LAMA2: variants seen among roughly 807,000 people sequenced by gnomAD.
LAMA2 encodes the protein laminin subunit alpha-2.
LAMA2 carries 269 observed loss-of-function variants against 364.8 expected under a neutral mutation model. That is an observed-to-expected ratio of 0.74 (90% confidence interval 0.67 to 0.82). The LOEUF (loss-of-function observed/expected upper bound fraction) is 0.82, where lower values mean the gene tolerates loss of function less well. Ranked by LOEUF, LAMA2 falls within the 40% of genes least tolerant of loss-of-function variation. The pLI, the probability that LAMA2 is intolerant of heterozygous loss-of-function variation, is 0.00. For synonymous variants in LAMA2, 1,379 were observed against 1,370.6 expected, an observed-to-expected ratio of 1.01 and a Z score of -0.14; for missense variants, 3,807 against 3,873.2, an observed-to-expected ratio of 0.98 and a Z score of 0.45.
chr6:129,303,733 A>G (rs1379388844), intron 22 of LAMA2, among the ~76,000 whole-genome samples: 2 of 152,190 alleles, frequency 1.3e-5, no homozygotes, highest in Non-Finnish European at 2.9e-5. Context: ...CAACATATCA[A>G]TCCAGTCTTA....
intron 1 of LAMA2, among the ~76,000 whole-genome samples, chr6:128,943,269 CAGAG>C (rs6149801): frequency 0.03 from 4,236 of 143,138 alleles, 198 homozygotes; most frequent in African/African-American, 0.099. Context: ...TATATATACA[CAGAG>C]AGAGAGAGAG....
At chr6:129,035,600 G>C (rs979293629) in intron 1 of LAMA2, among the ~76,000 whole-genome samples, 2 of 149,480 alleles carry the variant, frequency 1.3e-5, no homozygotes, top group Non-Finnish European at 3.0e-5. Context: ...CCAATGTCGA[G>C]AATAATTTTT....
At chr6:129,357,809 A>T (rs1213194963) in intron 32 of LAMA2, among the ~76,000 whole-genome samples, 2 of 152,054 alleles carry the variant, frequency 1.3e-5, no homozygotes, top group African/African-American at 4.8e-5. Context: ...TACATTTATA[A>T]TCAAAAATGA....
intron 62 of LAMA2, among the ~76,000 whole-genome samples, chr6:129,508,418 ATT>A (rs57872506): frequency 2.1e-5 from 2 of 95,514 alleles, no homozygotes; most frequent in Admixed American, 1.2e-4. Context: ...ATGTACAATT[ATT>A]TTTTTTTTTT....
At chr6:129,273,619 G>T (rs1306208809) in intron 17 of LAMA2, among the ~76,000 whole-genome samples, 2 of 152,028 alleles carry the variant, frequency 1.3e-5, no homozygotes, top group Non-Finnish European at 2.9e-5. Flanking sequence ...TATTTGTTGT[G>T]CATTTACTTG....
intron 3 of LAMA2, among the ~76,000 whole-genome samples, chr6:129,071,366 T>C (rs1773299778): frequency 6.6e-6 from 1 of 152,126 alleles, no homozygotes; most frequent in South Asian, 2.1e-4. Flanking sequence ...GTTTTGGGCT[T>C]GATTGATTTT....
chr6:128,970,096 A>G (rs1437526338), intron 1 of LAMA2, among the ~76,000 whole-genome samples: 1 of 152,210 alleles, frequency 6.6e-6, no homozygotes, highest in Non-Finnish European at 1.5e-5. Context: ...CTTTAAATTT[A>G]TAAGTCATAA....
chr6:129,291,921 AT>A lies in LAMA2; in HGVS notation c.2856+210del, dbSNP rs3215022. 3.8e-3 allele frequency among the ~76,000 whole-genome samples: 578 copies of A among 151,626 alleles called. 3 individuals are homozygous for A. The highest frequency in any genetic ancestry group is 5.5e-3 in the Non-Finnish European group (373 of 67,780). On this transcript the variant is annotated intron_variant, in intron 20 of 64. Transcript: ENST00000421865. ...TGTACATTACCATTTGACCTTAAACATTTTTTTTTGGCAGTGAATGTGTATT... is the reference window on the plus strand; with the variant it reads ...TGTACATTACCATTTGACCTTAAACATTTTTTTTGGCAGTGAATGTGTATT...
At chr6:128,923,114 T>G (rs1267581880) in intron 1 of LAMA2, among the ~76,000 whole-genome samples, 2 of 142,438 alleles carry the variant, frequency 1.4e-5, no homozygotes, top group Non-Finnish European at 3.1e-5. Context: ...TACTGTAGCC[T>G]TGTAGTATAG....
intron 3 of LAMA2, among the ~76,000 whole-genome samples, chr6:129,093,037 A>G (rs913324556): frequency 2.6e-5 from 4 of 152,218 alleles, no homozygotes; most frequent in Non-Finnish European, 2.9e-5. Flanking sequence ...TCCCGAGTGC[A>G]GTGGTGTGAT....
chr6:129,445,948 T>C (rs1782349978), intron 45 of LAMA2, 127 bp downstream of exon 45: 1 of 908,996 alleles, frequency 1.1e-6, no homozygotes, highest in East Asian at 2.6e-5. Context: ...TCGAAGCGAT[T>C]TGGGGTAGGA....
chr6:129,156,509 G>A (rs914125997), intron 8 of LAMA2, among the ~76,000 whole-genome samples: 1 of 150,050 alleles, frequency 6.7e-6, no homozygotes, highest in African/African-American at 2.5e-5. Flanking sequence ...ATGCCCTATA[G>A]CCATCCTTAA....
intron 20 of LAMA2, among the ~76,000 whole-genome samples, chr6:129,293,989 G>A (rs187073466): frequency 8.0e-4 from 122 of 152,294 alleles, no homozygotes; most frequent in Middle Eastern, 3.4e-3. Context: ...CCACTTCAGA[G>A]GGTTTATGTC....
intron 27 of LAMA2, among the ~76,000 whole-genome samples, chr6:129,318,689 G>T (rs1774769567): frequency 6.6e-6 from 1 of 152,124 alleles, no homozygotes; most frequent in South Asian, 2.1e-4. Flanking sequence ...TACTTACAGG[G>T]AGCAGAGAGT....
rs1491387157 is a variant in LAMA2, at chr6:129,330,591, G to GTTTTTTT, written c.4311+2179_4311+2180insTTTTTTT. On this transcript the variant is annotated intron_variant, in intron 29 of 64. Transcript: ENST00000421865. ...TTGAAGCGTTTTTTTGTTGTTGTTT[G>GTTTTTTT]GTTTTTGTTTTTTTTTTTTTTTTTC... Among the ~76,000 whole-genome samples, 110 of 83,794 alleles carry GTTTTTTT rather than the reference G, an allele frequency of 1.3e-3. 4 individuals are homozygous for GTTTTTTT. The highest frequency in any genetic ancestry group is 1.9e-3 in the East Asian group (4 of 2,142). 55.0% of individuals were successfully genotyped at this position (83,794 alleles called of 152,430 possible).
chr6:129,168,147 G>A (rs1373333258), intron 9 of LAMA2, among the ~76,000 whole-genome samples: 2 of 140,456 alleles, frequency 1.4e-5, no homozygotes, highest in Non-Finnish European at 3.1e-5. Context: ...TTCTTTTGCT[G>A]TGCAGAAGCT....
chr6:129,049,327 A>G (rs1323002980), intron 1 of LAMA2, among the ~76,000 whole-genome samples: 2 of 152,178 alleles, frequency 1.3e-5, no homozygotes, highest in East Asian at 1.9e-4. Flanking sequence ...GGACCACTAT[A>G]ATGGCTTGTT....
At chr6:129,099,134 T>TTG (rs914877569) in intron 4 of LAMA2, among the ~76,000 whole-genome samples, 1 of 149,792 alleles carries the variant, frequency 6.7e-6, no homozygotes, top group Non-Finnish European at 1.5e-5. Context: ...TGTTTTTTTT[T>TTG]TTTTTGTTTT....
chr6:129,151,531 G>A (rs916397339), intron 7 of LAMA2, among the ~76,000 whole-genome samples: 8 of 152,068 alleles, frequency 5.3e-5, no homozygotes, highest in African/African-American at 1.4e-4. Flanking sequence ...GTATCACTCC[G>A]TTTTCACACT....
Sources: gnomAD v4.1 joint callset for allele counts (sites outside exome capture counted in the v4.1 genomes callset) on GRCh38, gnomAD v4.1.1 for gene constraint, MANE v1.5 for transcripts, NCBI Gene and HGNC (gene_info 2026-07-23, HGNC 2026-07-21) for gene names.